Variants in DUSP16 observed in about 807,000 individuals in gnomAD.
The protein encoded by DUSP16 is dual specificity protein phosphatase 16.
In DUSP16, 21 loss-of-function variants were observed where a neutral mutation model predicts 58.3. The observed-to-expected ratio is 0.36, with a 90% CI of 0.26 to 0.52. The LOEUF (loss-of-function observed/expected upper bound fraction) is 0.52, where lower values mean the gene tolerates loss of function less well. Ranked by LOEUF, DUSP16 falls within the 20% of genes least tolerant of loss-of-function variation. The pLI, the probability that DUSP16 is intolerant of heterozygous loss-of-function variation, is 0.94. For synonymous variants in DUSP16, 320 were observed against 323.8 expected (o/e 0.99, Z 0.12); for missense variants, 726 against 819.0 (o/e 0.89, Z 1.39).
intron 3 of DUSP16, among the ~76,000 whole-genome samples, chr12:12,502,732 G>A (rs1943927828): frequency 6.6e-6 from 1 of 151,932 alleles, no homozygotes; most frequent in Non-Finnish European, 1.5e-5. Context: ...TGTATTTTTA[G>A]TAGAGACGGG....
chr12:12,505,099 TGA>T (rs556934398), intron 3 of DUSP16, among the ~76,000 whole-genome samples: 12 of 152,242 alleles, frequency 7.9e-5, no homozygotes, highest in Non-Finnish European at 1.6e-4. Context: ...AGCTGCCCTA[TGA>T]GATAGGTGTT....
At chr12:12,511,772 C>T (rs780883376) in intron 3 of DUSP16, among the ~76,000 whole-genome samples, 2 of 151,970 alleles carry the variant, frequency 1.3e-5, no homozygotes, top group Non-Finnish European at 2.9e-5. Context: ...TCTTCACCCC[C>T]GAGAGCCCAG....
In DUSP16 at chr12:12,477,761, G is replaced by T; in HGVS notation, c.1070C>A (p.Pro357His). ...GCTGGGCACGCTGGGCACGCTGGCG[G>T]GATGCACGGGCCTTTGTCCTGCTGC... The part of the protein sequence containing the change: ...SEAAGQRPVH[P>H]ASVPSVPSVQ... The change falls in exon 7 of 7, where the codon CCC becomes CAC. Residue 357 changes from proline to histidine, a missense_variant. Physicochemically the swap from Pro to His is moderately conservative, Grantham distance 77 (BLOSUM62 -2). Transcript: ENST00000298573. The surrounding 1 kb of genome is among the most constrained non-coding windows in gnomAD (Gnocchi z 4.1). 1.2e-6 allele frequency: 2 copies of T among 1,612,872 alleles called. No homozygotes were observed. Among genetic ancestry groups the T allele is most frequent in the Admixed American group, 1.7e-5 (1 of 59,934 alleles).
intron 1 of DUSP16, among the ~76,000 whole-genome samples, chr12:12,539,999 G>A (rs112881093): frequency 0.011 from 1,619 of 152,128 alleles, 38 homozygotes; most frequent in African/African-American, 0.037. Flanking sequence ...AGGTTGCAGT[G>A]AGCCAAGATC....
At chr12:12,506,305 C>T (rs1300389145) in intron 3 of DUSP16, 1 of 152,216 alleles carries the variant, frequency 6.6e-6, no homozygotes, top group Non-Finnish European at 1.5e-5. Context: ...AAACGTTCTG[C>T]TCCAAATGGC....
intron 1 of DUSP16, among the ~76,000 whole-genome samples, chr12:12,548,630 CA>C (rs898316799): frequency 1.3e-3 from 80 of 63,366 alleles, no homozygotes; most frequent in Middle Eastern, 8.9e-3. Flanking sequence ...GACTCTGTCT[CA>C]AAAAAAAAAA....
intron 4 of DUSP16, among the ~76,000 whole-genome samples, chr12:12,492,933 C>A (rs1943781234): frequency 6.6e-6 from 1 of 152,142 alleles, no homozygotes; most frequent in South Asian, 2.1e-4. Flanking sequence ...ATATTTACTT[C>A]TCAATATTCT....
chr12:12,546,736 T>A (rs1350482829), intron 1 of DUSP16, among the ~76,000 whole-genome samples: 2 of 152,214 alleles, frequency 1.3e-5, no homozygotes, highest in Non-Finnish European at 2.9e-5. Flanking sequence ...TTTACTGGAT[T>A]TTGCTTGTTT....
At chr12:12,544,765 T>C (rs1482250594) in intron 1 of DUSP16, among the ~76,000 whole-genome samples, 1 of 151,738 alleles carries the variant, frequency 6.6e-6, no homozygotes, top group Non-Finnish European at 1.5e-5. Context: ...ACCTTTCGCA[T>C]TGAGATCTAC....
Position 12,551,079 on chromosome 12 carries a change from A to AT in DUSP16, c.-366+11037dup, listed in dbSNP as rs200700051. ...TATCTTGGGGAAAAGCATTTATACA[A>AT]TTTTTTTTTTTCATAGGACACCATT... On this transcript the variant is annotated intron_variant, in intron 1 of 6. Coordinates refer to ENST00000298573, the MANE Select transcript of DUSP16 (RefSeq NM_030640.3). Among the ~76,000 whole-genome samples, 62 of 149,814 alleles carry AT rather than the reference A, an allele frequency of 4.1e-4. 1 individual carries two copies. In the South Asian group the frequency reaches 4.7e-3, roughly 11 times the overall value.
intron 5 of DUSP16, among the ~76,000 whole-genome samples, chr12:12,482,546 A>C (rs965310257): frequency 3.3e-5 from 5 of 152,186 alleles, no homozygotes; most frequent in Non-Finnish European, 7.3e-5. Flanking sequence ...TAACACACAC[A>C]ACTGGCAGAG....
At chr12:12,508,131 GA>G (rs1280922696) in intron 3 of DUSP16, among the ~76,000 whole-genome samples, 1 of 152,146 alleles carries the variant, frequency 6.6e-6, no homozygotes, top group African/African-American at 2.4e-5. Context: ...ATTAAAAATG[GA>G]AAATACTGAA....
intron 3 of DUSP16, among the ~76,000 whole-genome samples, chr12:12,507,713 A>C (rs1592182336): frequency 6.6e-6 from 1 of 152,252 alleles, no homozygotes; most frequent in Admixed American, 6.5e-5. Flanking sequence ...GGGTTCAAGC[A>C]ATTCTCCTGC....
At chr12:12,498,307 G>A (rs1038592114) in intron 4 of DUSP16, among the ~76,000 whole-genome samples, 2 of 152,094 alleles carry the variant, frequency 1.3e-5, no homozygotes, top group Non-Finnish European at 2.9e-5. Flanking sequence ...GCTGGTGGCT[G>A]ACTAAATGAT....
intron 1 of DUSP16, chr12:12,560,731 C>G (rs1944886379): frequency 6.6e-6 from 1 of 152,120 alleles, no homozygotes; most frequent in Admixed American, 6.5e-5. Context: ...GTAATTAATT[C>G]AATTGGTACG....
intron 4 of DUSP16, among the ~76,000 whole-genome samples, chr12:12,489,502 C>T (rs577120554): frequency 3.3e-5 from 5 of 152,264 alleles, no homozygotes; most frequent in South Asian, 2.1e-4. Flanking sequence ...TTTCCACCAA[C>T]GGTACTACAT....
intron 3 of DUSP16, among the ~76,000 whole-genome samples, chr12:12,500,994 TG>T (rs1459609763): frequency 6.6e-6 from 1 of 152,210 alleles, no homozygotes; most frequent in Non-Finnish European, 1.5e-5. Flanking sequence ...TGTTTTTTTT[TG>T]TAAAACATAA....
intron 1 of DUSP16, among the ~76,000 whole-genome samples, chr12:12,551,366 C>A (rs773992525): frequency 6.7e-6 from 1 of 149,360 alleles, no homozygotes; most frequent in Non-Finnish European, 1.5e-5. Context: ...ATCAGCCAGG[C>A]GTGGTGGTGC....
At chr12:12,519,535 G>A (rs771947190) in intron 3 of DUSP16, among the ~76,000 whole-genome samples, 14 of 152,120 alleles carry the variant, frequency 9.2e-5, no homozygotes, top group South Asian at 2.1e-4. Context: ...TTCATCATTT[G>A]GTGTTCTTAC....
Sources: gnomAD v4.1 joint callset for allele counts (sites outside exome capture counted in the v4.1 genomes callset) on GRCh38, gnomAD v4.1.1 for gene constraint, Gnocchi (gnomAD v3.1) non-coding constraint, MANE v1.5 for transcripts, NCBI Gene and HGNC (gene_info 2026-07-23, HGNC 2026-07-21) for gene names.